The following WDR81 variants were observed in gnomAD, a reference collection of about 807,000 sequenced individuals.
WDR81 encodes WD repeat-containing protein 81.
WDR81 carries 92 observed loss-of-function variants against 140.8 expected under a neutral mutation model. The observed-to-expected ratio is 0.65, with a 90% CI of 0.55 to 0.78. WDR81 has a LOEUF of 0.78. Among genes scored for constraint, WDR81 ranks in the 30% least tolerant of loss-of-function variants. The pLI is 0.00. For synonymous variants in WDR81, 1,183 were observed against 1,156.4 expected (o/e 1.02, Z -0.47); for missense variants, 2,502 against 2,636.4 (o/e 0.95, Z 1.12).
In WDR81 at chr17:1,735,726, G is replaced by C; in HGVS notation, c.5325+9G>C. The C allele has an allele frequency of 1.2e-6, 2 of 1,605,504 alleles. No individual in the cohort carries two copies. The highest frequency in any genetic ancestry group is 1.7e-6 in the Non-Finnish European group (2 of 1,176,138). Reference sequence around the variant, plus strand: ...GGAAGCCTGGTCTGCAGGTCAGGGGGGTCCAGTTCCCTGAGCACTCGCCTG... The same window carrying C: ...GGAAGCCTGGTCTGCAGGTCAGGGGCGTCCAGTTCCCTGAGCACTCGCCTG... On this transcript the variant is annotated intron_variant, in intron 8 of 9. Transcript: ENST00000409644. The surrounding 1 kb of genome is among the most constrained non-coding windows in gnomAD (Gnocchi z 4.2).
At chr17:1,716,977 A>G (rs1431407920) in intron 1 of WDR81, 11 of 416,454 alleles carry the variant, frequency 2.6e-5, no homozygotes, top group Non-Finnish European at 4.3e-5. Context: ...GTCCCAGAAG[A>G]GCCCCCAGAG....
Position 1,726,862 on chromosome 17 carries a change from C to T in WDR81, c.1903C>T (p.Arg635Trp), listed in dbSNP as rs759326308. 38 of 1,550,198 alleles carry T rather than the reference C, an allele frequency of 2.5e-5. 1 individual carries two copies. In the South Asian group the frequency reaches 2.7e-4, roughly 11 times the overall value. Residue 635 changes from arginine (R) to tryptophan (W), a missense_variant, in exon 1 of 10, where the codon CGG (arginine) becomes TGG (tryptophan). Transcript: ENST00000409644. ...NPGQLPNGVG[R>W]PVLEATPCEA... is the part of the protein sequence containing the mutation. ...GGGACAGCTTCCAAATGGAGTGGGCCGGCCAGTTTTAGAGGCCACTCCCTG... is the reference window on the plus strand; with the variant it reads ...GGGACAGCTTCCAAATGGAGTGGGCTGGCCAGTTTTAGAGGCCACTCCCTG...
chr17:1,727,635 G>A lies in WDR81; in HGVS notation c.2676G>A (p.Val892=), dbSNP rs1022920587. Residue 892 remains valine, a synonymous_variant, in exon 1 of 10, where the codon GTG becomes GTA. Coordinates refer to ENST00000409644, the MANE Select transcript of WDR81 (RefSeq NM_001163809.2). ...RFILLYQARR[V]EDEAQGRELV... ...TCCTCCTGTACCAGGCAAGGCGTGT[G>A]GAGGACGAGGCCCAGGGGCGCGAGC... 65 of 1,550,450 alleles carry A rather than the reference G, an allele frequency of 4.2e-5. No homozygotes were observed. The highest frequency in any genetic ancestry group is 5.3e-5 in the Non-Finnish European group (61 of 1,147,034).
In WDR81 at chr17:1,736,047, C is replaced by A. The variant is rs1218810865; in HGVS notation, c.5334C>A (p.Phe1778Leu). The A allele has an allele frequency of 1.3e-6, 2 of 1,597,022 alleles. No individual in the cohort carries two copies. The highest frequency in any genetic ancestry group is 4.5e-5 in the East Asian group (2 of 44,826). ...DCRKPGLQHEFRLGGGLNPGL... is the reference protein window; with the variant it reads ...DCRKPGLQHELRLGGGLNPGL... The stretch of plus-strand genomic sequence containing the variant: ...CCGCCCTCTCCCTGCAGCACGAGTT[C>A]CGACTGGGCGGTGGGCTGAACCCTG... The change falls in exon 9 of 10, where the codon TTC becomes TTA. Residue 1778 changes from phenylalanine to leucine, a missense_variant. Physicochemically the swap from Phe to Leu is conservative, Grantham distance 22 (BLOSUM62 0). Transcript: ENST00000409644.
At chr17:1,717,362 C>T (rs1753139695) in intron 1 of WDR81, among the ~76,000 whole-genome samples, 1 of 152,304 alleles carries the variant, frequency 6.6e-6, no homozygotes, top group Non-Finnish European at 1.5e-5. Flanking sequence ...CCGCAAGTCC[C>T]CCAAAGAGGA....
chr17:1,727,468 G>T lies in WDR81; in HGVS notation c.2509G>T (p.Ala837Ser), dbSNP rs1247006264. Residue 837 changes from alanine to serine, a missense_variant, in exon 1 of 10, where the codon GCA becomes TCA. Coordinates refer to ENST00000409644, the MANE Select transcript of WDR81 (RefSeq NM_001163809.2). The stretch of plus-strand genomic sequence containing the variant: ...GAGTGGCCCCGAAGTCCCCATGGGA[G>T]CAGAGAGGGGCAAGCTGGACCAACT... Reference protein sequence around the residue: ...QMSGPEVPMGAERGKLDQLFE... With the variant: ...QMSGPEVPMGSERGKLDQLFE... 1.9e-6 allele frequency: 3 copies of T among 1,550,412 alleles called. No homozygotes were observed.
intron 9 of WDR81, among the ~76,000 whole-genome samples, chr17:1,737,042 C>G (rs1230700814): frequency 6.6e-6 from 1 of 152,196 alleles, no homozygotes; most frequent in Non-Finnish European, 1.5e-5. Flanking sequence ...TTCTCTGAGC[C>G]TCACTTTTCC....
chr17:1,728,077 G>A lies in WDR81; in HGVS notation c.3118G>A (p.Gly1040Arg), dbSNP rs1302865504. 12 of 1,589,922 alleles carry A rather than the reference G, an allele frequency of 7.5e-6. No individual in the cohort carries two copies. The highest frequency in any genetic ancestry group is 1.7e-4 in the Middle Eastern group (1 of 6,004). ...EEEESGLPGA[G>R]PGSCAFGEEI... The stretch of plus-strand genomic sequence containing the variant: ...GGAGGAGAGCGGGCTGCCCGGGGCC[G>A]GGCCTGGCTCCTGTGCTTTTGGGGA... The change falls in exon 1 of 10, where the codon GGG (glycine) becomes AGG (arginine). Residue 1040 changes from glycine to arginine, a missense_variant. Physicochemically the swap from Gly to Arg is moderately radical, Grantham distance 125 (BLOSUM62 -2). Around this residue, in one of 3 missense-constraint regions of WDR81, gnomAD observed 1,737 missense variants for 1,843.0 expected, o/e 0.94. Coordinates refer to ENST00000409644, the MANE Select transcript of WDR81 (RefSeq NM_001163809.2).
chr17:1,735,958 G>C lies in WDR81; in HGVS notation c.5326-81G>C. On this transcript the variant is annotated intron_variant, in intron 8 of 9. Coordinates refer to ENST00000409644, the MANE Select transcript of WDR81 (RefSeq NM_001163809.2). This position sits in a 1 kb window ranked among gnomAD's most constrained non-coding sequence, Gnocchi z 4.2. ...TCAGAGGCTCAGGCCTTCCTGCTGT[G>C]TGGGCTTGGGTGGTGGGCAGGGCCT... The C allele has an allele frequency of 6.6e-7, 1 of 1,513,542 alleles. No homozygotes were observed. The allele number at this position is 1,513,542 out of a possible 1,614,324, so 93.8% of individuals were successfully genotyped here. A position where few individuals can be genotyped will look rare whatever the true frequency, so the allele number is the denominator to read the frequency against.
exon 1 of WDR81, chr17:1,716,573 T>G: frequency 6.4e-7 from 1 of 1,551,552 alleles, no homozygotes; most frequent in Admixed American, 2.0e-5. Flanking sequence ...GCGTTTGCAA[T>G]GCATGCTGGT....
In WDR81 at chr17:1,728,209, G is replaced by A; in HGVS notation, c.3250G>A (p.Asp1084Asn). The change falls in exon 1 of 10, where the codon GAC (aspartate) becomes AAC (asparagine). Residue 1084 changes from aspartate to asparagine, a missense_variant. Around this residue, in one of 3 missense-constraint regions of WDR81, gnomAD observed 1,737 missense variants for 1,843.0 expected, o/e 0.94. Transcript: ENST00000409644. Reference sequence around the variant, plus strand: ...CCAGGCTGACCTCCCTGAGACAGAGGACTTCCAAGCCGGGCTCTATGTGAC... The same window carrying A: ...CCAGGCTGACCTCCCTGAGACAGAGAACTTCCAAGCCGGGCTCTATGTGAC... ...HDQADLPETE[D>N]FQAGLYVTES... 1 of 1,605,452 alleles carries A rather than the reference G, an allele frequency of 6.2e-7. No homozygotes were observed. Among genetic ancestry groups the A allele is most frequent in the Non-Finnish European group, 8.5e-7 (1 of 1,174,254 alleles).
At position 1,737,680 on chromosome 17, in the gene WDR81, G is replaced by T; in HGVS notation, c.5821G>T (p.Ala1941Ser). ...AGACAACGGGGTTATCCGCCTCCTG[G>T]CATAGACTGAGGCAGGAGCTGGCCG... Reference protein sequence around the residue: ...GSDNGVIRLLA With the variant: ...GSDNGVIRLLS Residue 1941 changes from alanine to serine, a missense_variant, in exon 10 of 10, where the codon GCA becomes TCA. Transcript: ENST00000409644. 3 of 1,606,864 alleles carry T rather than the reference G, an allele frequency of 1.9e-6. No homozygotes were observed. Among genetic ancestry groups the T allele is most frequent in the Non-Finnish European group, 2.5e-6 (3 of 1,177,360 alleles).
chr17:1,736,393 T>C lies in WDR81; in HGVS notation c.5505+175T>C, dbSNP rs375820891. On this transcript the variant is annotated intron_variant, in intron 9 of 9. Transcript: ENST00000409644. ...CTCTCGGTCCACCTTGGGAGCCAGT[T>C]GCACTGCAGGGGTCTCAGCAGGAGG... 3.1e-3 allele frequency among the ~76,000 whole-genome samples: 477 copies of C among 152,240 alleles called. 2 individuals carry two copies. Among genetic ancestry groups the C allele is most frequent in the African/African-American group, 0.011 (457 of 41,542 alleles).
chr17:1,726,322 G>T lies in WDR81; in HGVS notation c.1363G>T (p.Ala455Ser), dbSNP rs1472055699. Reference protein sequence around the residue: ...LSDITYYVYKARRTPRSVLCG... With the variant: ...LSDITYYVYKSRRTPRSVLCG... ...CGACATCACGTACTATGTGTACAAG[G>T]CTCGGCGCACGCCTCGGTCGGTGCT... Residue 455 changes from alanine (A) to serine (S), a missense_variant, in exon 1 of 10, where the codon GCT becomes TCT. Transcript: ENST00000409644. The T allele has an allele frequency of 6.5e-7, 1 of 1,544,334 alleles. No homozygotes were observed.
chr17:1,726,080 A>AG lies in WDR81; in HGVS notation c.1126dup (p.Asp376GlyfsTer36). 1 of 1,547,846 alleles carries AG rather than the reference A, an allele frequency of 6.5e-7. No homozygotes were observed. The highest frequency in any genetic ancestry group is 8.7e-7 in the Non-Finnish European group (1 of 1,145,134). ...CTGAATCGGTTGGCAGGTCGGCGGC[A>AG]GGGGGACCCCAACTACCACCCCGTG... On this transcript the variant is annotated frameshift_variant, in exon 1 of 10. Transcript: ENST00000409644. LOFTEE classifies it high-confidence loss of function.
chr17:1,723,281 C>T (rs969872086), upstream of WDR81, among the ~76,000 whole-genome samples: 52 of 152,214 alleles, frequency 3.4e-4, 2 homozygotes, highest in East Asian at 7.5e-3. Context: ...TCTGTGGTAC[C>T]GCAGAGGCCA....
chr17:1,723,091 C>T (rs1914961631), upstream of WDR81, among the ~76,000 whole-genome samples: 1 of 152,240 alleles, frequency 6.6e-6, no homozygotes, highest in Non-Finnish European at 1.5e-5. Flanking sequence ...ACAAAAGAAA[C>T]AGGGCCAGTG....
upstream of WDR81, among the ~76,000 whole-genome samples, chr17:1,720,498 C>T (rs954756893): frequency 1.3e-5 from 2 of 152,196 alleles, no homozygotes; most frequent in Non-Finnish European, 2.9e-5. Context: ...CCTAAAGGGC[C>T]GGGCATGGTG....
chr17:1,730,834 G>A lies in WDR81; in HGVS notation c.3855G>A (p.Pro1285=), dbSNP rs369119133. The A allele has an allele frequency of 3.4e-5, 55 of 1,612,710 alleles. No individual in the cohort carries two copies. Among genetic ancestry groups the A allele is most frequent in the East Asian group, 1.8e-4 (8 of 44,870 alleles). The change falls in exon 3 of 10, where the codon CCG becomes CCA. Residue 1285 remains proline, a synonymous_variant. Coordinates refer to ENST00000409644, the MANE Select transcript of WDR81 (RefSeq NM_001163809.2). ...LSAGNIYQKR[P]VLGDIVSGPV... is the part of the protein sequence containing the mutation. ...CCGGCAACATCTACCAGAAGAGGCC[G>A]GTCCTGGGCGACATCGTGTCAGGGC...
Sources: allele counts gnomAD v4.1 joint callset (sites outside exome capture counted in the v4.1 genomes callset), GRCh38; gene constraint gnomAD v4.1.1; regional missense constraint gnomAD v4.1.1; non-coding constraint Gnocchi (gnomAD v3.1); transcripts MANE v1.5; gene names NCBI Gene and HGNC (gene_info 2026-07-23, HGNC 2026-07-21).